TTBK2: variants seen among roughly 807,000 people sequenced by gnomAD.
The protein encoded by TTBK2 is tau tubulin kinase 2.
In TTBK2, 28 loss-of-function variants were observed where a neutral mutation model predicts 110.8. The observed-to-expected ratio is 0.25, with a 90% confidence interval of 0.19 to 0.35. The LOEUF is 0.35. TTBK2 is among the 10% of genes least tolerant of loss of function. TTBK2 has a pLI of 1.00. For missense variants in TTBK2, 1,369 were observed against 1,500.3 expected (o/e 0.91, Z 1.45); for synonymous variants, 532 against 527.3 (o/e 1.01, Z -0.12).
At position 42,752,710 on chromosome 15, in the gene TTBK2, G is replaced by T; in HGVS notation, c.2536C>A (p.Leu846Ile). Reference sequence around the variant, plus strand: ...ATTTCTGAAGTTCCAACTGTCAGAAGCTTCATTATCTCATTATTTTTGTCT... The same window carrying T: ...ATTTCTGAAGTTCCAACTGTCAGAATCTTCATTATCTCATTATTTTTGTCT... Reference protein sequence around the residue: ...NQDKNNEIMKLLTVGTSEISS... With the variant: ...NQDKNNEIMKILTVGTSEISS... Residue 846 changes from leucine (L) to isoleucine (I), a missense_variant, in exon 14 of 15, where the codon CTT becomes ATT. By Grantham distance (5) the Leu-to-Ile change is conservative. Around this residue, in one of 4 missense-constraint regions of TTBK2, gnomAD observed 1,097 missense variants for 1,114.7 expected, o/e 0.98. Coordinates refer to ENST00000267890, the MANE Select transcript of TTBK2 (RefSeq NM_173500.4). 1 of 1,614,090 alleles carries T rather than the reference G, an allele frequency of 6.2e-7. No homozygotes were observed. The highest frequency in any genetic ancestry group is 8.5e-7 in the Non-Finnish European group (1 of 1,180,030).
At chr15:42,805,836 G>C (rs1390618741) in intron 9 of TTBK2, among the ~76,000 whole-genome samples, 1 of 152,180 alleles carries the variant, frequency 6.6e-6, no homozygotes, top group Non-Finnish European at 1.5e-5. Context: ...AATAGTAAAA[G>C]GCCATGTATT....
At chr15:42,903,657 A>G (rs1596043370) in intron 1 of TTBK2, among the ~76,000 whole-genome samples, 1 of 152,206 alleles carries the variant, frequency 6.6e-6, no homozygotes, top group African/African-American at 2.4e-5. Flanking sequence ...GAATTCTATA[A>G]GACACCCAGG....
intron 10 of TTBK2, among the ~76,000 whole-genome samples, chr15:42,786,342 A>G (rs1473194671): frequency 1.3e-5 from 2 of 152,216 alleles, no homozygotes; most frequent in South Asian, 2.1e-4. Context: ...TTGATAAAAG[A>G]GTCATAATGG....
At position 42,775,522 on chromosome 15, in the gene TTBK2, A is replaced by G; in HGVS notation, c.1611T>C (p.Ala537=). Residue 537 remains alanine, a synonymous_variant, in exon 13 of 15, where the codon GCT becomes GCC. Coordinates refer to ENST00000267890, the MANE Select transcript of TTBK2 (RefSeq NM_173500.4). ...ADGGGSNGFI[A]VNLSSCKQEI... is the part of the protein sequence containing the mutation. ...CTTGCTTGCAAGAGCTCAGGTTAAC[A>G]GCTATAAATCCATTGCTGCCACCAC... The G allele has an allele frequency of 6.2e-7, 1 of 1,614,210 alleles. No homozygotes were observed. The highest frequency in any genetic ancestry group is 8.5e-7 in the Non-Finnish European group (1 of 1,180,040).
chr15:42,895,067 C>T (rs1719231237), intron 1 of TTBK2, among the ~76,000 whole-genome samples: 2 of 152,014 alleles, frequency 1.3e-5, no homozygotes, highest in Non-Finnish European at 2.9e-5. Context: ...TTTTCTAAAC[C>T]TAATAAAAGG....
chr15:42,834,741 G>A (rs2140999827), intron 4 of TTBK2, among the ~76,000 whole-genome samples: 1 of 152,290 alleles, frequency 6.6e-6, no homozygotes, highest in South Asian at 2.1e-4. Flanking sequence ...GCTGGGTATG[G>A]TGGCATGAGC....
chr15:42,896,982 G>T (rs1282901480), intron 1 of TTBK2, among the ~76,000 whole-genome samples: 2 of 151,578 alleles, frequency 1.3e-5, no homozygotes, highest in East Asian at 1.9e-4. Flanking sequence ...GAGTTCAAGC[G>T]ATTCTCCTGC....
In TTBK2 at chr15:42,753,121, C is replaced by T. The variant is rs1424359907; in HGVS notation, c.2125G>A (p.Glu709Lys). 3 of 1,597,784 alleles carry T rather than the reference C, an allele frequency of 1.9e-6. No homozygotes were observed. Among genetic ancestry groups the T allele is most frequent in the Non-Finnish European group, 2.6e-6 (3 of 1,174,038 alleles). ...GTCACAACCAAGCCAGAGAAGTTTT[C>T]CCTTGGAGAGTAAAGTTCCACAGTG... ...EPTVELYSPR[E>K]NFSGLVVTEG... The change falls in exon 14 of 15, where the codon GAA becomes AAA. Residue 709 changes from glutamate (E) to lysine (K), a missense_variant. Physicochemically the swap from Glu to Lys is moderately conservative, Grantham distance 56. Around this residue, in one of 4 missense-constraint regions of TTBK2, gnomAD observed 1,097 missense variants for 1,114.7 expected, o/e 0.98. Transcript: ENST00000267890.
At chr15:42,906,266 A>C (rs1166830028) in intron 1 of TTBK2, among the ~76,000 whole-genome samples, 1 of 152,182 alleles carries the variant, frequency 6.6e-6, no homozygotes, top group Non-Finnish European at 1.5e-5. Flanking sequence ...ACATTCACAG[A>C]CATAATACTG....
intron 11 of TTBK2, among the ~76,000 whole-genome samples, chr15:42,781,038 G>C (rs776733501): frequency 6.6e-6 from 1 of 151,918 alleles, no homozygotes; most frequent in Non-Finnish European, 1.5e-5. Context: ...ACATAAAGAC[G>C]TAAGATTGTC....
At chr15:42,907,231 G>T (rs560253311) in intron 1 of TTBK2, among the ~76,000 whole-genome samples, 119 of 152,276 alleles carry the variant, frequency 7.8e-4, no homozygotes, top group African/African-American at 2.8e-3. Flanking sequence ...CTGCTGGTAG[G>T]AATGGAAATT....
chr15:42,886,658 C>G (rs992929764), intron 1 of TTBK2, among the ~76,000 whole-genome samples: 6 of 152,138 alleles, frequency 3.9e-5, no homozygotes, highest in African/African-American at 1.4e-4. Flanking sequence ...TCAAGGTGTA[C>G]AGTAATAGAG....
chr15:42,918,058 T>C (rs987575694), intron 1 of TTBK2, among the ~76,000 whole-genome samples: 1 of 145,858 alleles, frequency 6.9e-6, no homozygotes, highest in Non-Finnish European at 1.5e-5. Flanking sequence ...TCCCTTGTCA[T>C]AGATTTGTAT....
At position 42,832,743 on chromosome 15, in the gene TTBK2, G is replaced by A. The variant is rs148313286; in HGVS notation, c.292-2665C>T. The stretch of plus-strand genomic sequence containing the variant: ...TACCATCCTGCTCCGTCAGGCCCAG[G>A]ACGTGAATCACCCCTTTAGTCCAGC... On this transcript the variant is annotated intron_variant, in intron 4 of 14. Transcript: ENST00000267890. 1.3e-4 allele frequency among the ~76,000 whole-genome samples: 20 copies of A among 152,246 alleles called. No homozygotes were observed. The East Asian group carries it at 3.3e-3, about 25-fold the overall frequency.
At chr15:42,895,764 C>A (rs1180919543) in intron 1 of TTBK2, among the ~76,000 whole-genome samples, 1 of 152,010 alleles carries the variant, frequency 6.6e-6, no homozygotes, top group Non-Finnish European at 1.5e-5. Context: ...GCCTCGATCT[C>A]CTGACCTTGT....
intron 1 of TTBK2, among the ~76,000 whole-genome samples, chr15:42,882,308 C>G (rs532087753): frequency 6.5e-4 from 99 of 151,850 alleles, no homozygotes; most frequent in African/African-American, 2.3e-3. Context: ...TTAAAAATAA[C>G]TAGAAAACAG....
chr15:42,902,135 G>A (rs947841884), intron 1 of TTBK2, among the ~76,000 whole-genome samples: 1 of 151,208 alleles, frequency 6.6e-6, no homozygotes, highest in Non-Finnish European at 1.5e-5. Context: ...AGAACTGCCT[G>A]AACCCAGGAG....
intron 1 of TTBK2, among the ~76,000 whole-genome samples, chr15:42,895,472 C>T (rs995916979): frequency 6.6e-6 from 1 of 151,806 alleles, no homozygotes; most frequent in African/African-American, 2.4e-5. Flanking sequence ...AACAAATCTA[C>T]ACATGTACCC....
In TTBK2 at chr15:42,811,680, A is replaced by G; in HGVS notation, c.696+8T>C. On this transcript the variant is annotated splice_region_variant and intron_variant, in intron 8 of 14. Coordinates refer to ENST00000267890, the MANE Select transcript of TTBK2 (RefSeq NM_173500.4). ...TACCACAATTGACATCTCCATTCCC[A>G]AAATTACCTTGTCCTTTATTTTTCT... is the stretch of plus-strand genomic sequence containing the variant. 6.2e-7 allele frequency: 1 copy of G among 1,612,590 alleles called. No individual in the cohort carries two copies.
Sources: allele counts gnomAD v4.1 joint callset (sites outside exome capture counted in the v4.1 genomes callset), GRCh38; gene constraint gnomAD v4.1.1; regional missense constraint gnomAD v4.1.1; transcripts MANE v1.5; gene names NCBI Gene and HGNC (gene_info 2026-07-23, HGNC 2026-07-21).